The following DNAH12 variants were observed in gnomAD, a reference collection of about 807,000 sequenced individuals.
DNAH12 encodes the protein axonemal beta dynein heavy chain 12.
In DNAH12, 285 loss-of-function variants were observed where a neutral mutation model predicts 371.5. That is an observed-to-expected ratio of 0.77 (90% CI 0.70 to 0.85). DNAH12 has a LOEUF of 0.85. Ranked by LOEUF, DNAH12 falls within the 40% of genes least tolerant of loss-of-function variation. DNAH12 has a pLI of 0.00. For missense variants in DNAH12, 3,611 were observed against 3,689.4 expected, an observed-to-expected ratio of 0.98 and a Z score of 0.55; for synonymous variants, 1,200 against 1,213.0, an observed-to-expected ratio of 0.99 and a Z score of 0.22.
chr3:57,446,420 G>A, intron 26 of DNAH12, 117 bp downstream of exon 26: 1 of 1,425,404 alleles, frequency 7.0e-7, no homozygotes, highest in Admixed American at 2.8e-5. Flanking sequence ...TAAAATGAAA[G>A]TCCAAGTAAT....
chr3:57,464,071 T>G (rs2066131264), intron 17 of DNAH12, among the ~76,000 whole-genome samples: 1 of 152,064 alleles, frequency 6.6e-6, no homozygotes, highest in Non-Finnish European at 1.5e-5. Context: ...ACTCACTGTT[T>G]CTACCCTGAT....
chr3:57,498,765 C>T (rs964197005), intron 11 of DNAH12, among the ~76,000 whole-genome samples: 9 of 151,978 alleles, frequency 5.9e-5, no homozygotes, highest in Non-Finnish European at 1.2e-4. Context: ...TTTGGGAGGC[C>T]GAGGTGGGCG....
At chr3:57,371,969 T>C (rs1374457143) in intron 55 of DNAH12, among the ~76,000 whole-genome samples, 1 of 39,160 alleles carries the variant, frequency 2.6e-5, no homozygotes, top group Non-Finnish European at 6.8e-5. Flanking sequence ...AAAAAAATTC[T>C]TTCAAAATGA....
intron 52 of DNAH12, among the ~76,000 whole-genome samples, chr3:57,378,177 G>A (rs1194797238): frequency 6.6e-6 from 1 of 152,030 alleles, no homozygotes; most frequent in Non-Finnish European, 1.5e-5. Context: ...GCTTGTATCA[G>A]AATAAAAATG....
At chr3:57,497,449 T>C (rs532400023) in intron 11 of DNAH12, among the ~76,000 whole-genome samples, 3 of 152,312 alleles carry the variant, frequency 2.0e-5, no homozygotes, top group East Asian at 1.9e-4. Flanking sequence ...ATAGGGTCAA[T>C]TGATTTTCAA....
intron 64 of DNAH12, among the ~76,000 whole-genome samples, chr3:57,322,802 C>T (rs1048336430): frequency 1.2e-4 from 19 of 152,068 alleles, no homozygotes; most frequent in Admixed American, 7.2e-4. Context: ...TGGTGGTATG[C>T]GCCTGTAATC....
At chr3:57,432,246 T>C (rs1391826022) in intron 32 of DNAH12, among the ~76,000 whole-genome samples, 1 of 147,442 alleles carries the variant, frequency 6.8e-6, no homozygotes, top group Non-Finnish European at 1.5e-5. Flanking sequence ...CTCGGTTAAC[T>C]GCAACCTCTG....
At chr3:57,314,760 A>T (rs2061651335) in intron 65 of DNAH12, 129 bp from the exon 66 acceptor site, 3 of 968,110 alleles carry the variant, frequency 3.1e-6, no homozygotes, top group Non-Finnish European at 4.4e-6. Context: ...CTTCTATTTT[A>T]AAAAAATCCT....
chr3:57,302,565 G>GTTTTTTTTTTTTT (rs1407756841), intron 69 of DNAH12, among the ~76,000 whole-genome samples: 1 of 28,856 alleles, frequency 3.5e-5, no homozygotes, highest in Non-Finnish European at 5.9e-5. Flanking sequence ...ATATATATAT[G>GTTTTTTTTTTTTT]TATTTTTTTT....
chr3:57,350,252 C>A (rs1017597335), intron 60 of DNAH12, among the ~76,000 whole-genome samples: 11 of 152,170 alleles, frequency 7.2e-5, no homozygotes, highest in African/African-American at 2.6e-4. Context: ...TTCATGTAAC[C>A]AAACACCACC....
At chr3:57,551,816 A>C in the DNAH12 span, among the ~76,000 whole-genome samples, 2 of 152,212 alleles carry the variant, frequency 1.3e-5, no homozygotes, top group Non-Finnish European at 2.9e-5. Flanking sequence ...AAAATGAAAA[A>C]AAAACAGAAC....
At chr3:57,445,073 G>A (rs1190037890) in intron 28 of DNAH12, 101 bp downstream of exon 28, 1 of 1,327,898 alleles carries the variant, frequency 7.5e-7, no homozygotes. Context: ...AAAAGACAAA[G>A]CTCAACCCTC....
chr3:57,330,717 T>TA (rs36091572), intron 62 of DNAH12, among the ~76,000 whole-genome samples: 2,898 of 133,828 alleles, frequency 0.022, 34 homozygotes, highest in African/African-American at 0.044. Flanking sequence ...GTATAATAAT[T>TA]AAAAAAAAAA....
intron 15 of DNAH12, 21 bp from the exon 16 acceptor site, chr3:57,470,657 T>G (rs1426793146): frequency 4.0e-6 from 6 of 1,506,246 alleles, no homozygotes. Flanking sequence ...ATAAGTTTTT[T>G]GTCTTAAAAA....
At chr3:57,483,903 A>G (rs1472330389) in intron 12 of DNAH12, among the ~76,000 whole-genome samples, 5 of 128,560 alleles carry the variant, frequency 3.9e-5, no homozygotes, top group Non-Finnish European at 7.9e-5. Flanking sequence ...GTGGGCCATG[A>G]TTGCACCGTT....
intron 60 of DNAH12, among the ~76,000 whole-genome samples, chr3:57,344,700 A>G (rs2062494612): frequency 6.6e-6 from 1 of 152,244 alleles, no homozygotes; most frequent in Non-Finnish European, 1.5e-5. Flanking sequence ...CACAAAGTTA[A>G]ACACCACATG....
intron 20 of DNAH12, 64 bp from the exon 21 acceptor site, chr3:57,458,284 C>A: frequency 6.8e-7 from 1 of 1,474,642 alleles, no homozygotes; most frequent in South Asian, 1.4e-5. Context: ...ACTTAAATAT[C>A]AATCTATACT....
At chr3:57,330,507 G>A (rs962746525) in intron 62 of DNAH12, among the ~76,000 whole-genome samples, 5 of 141,972 alleles carry the variant, frequency 3.5e-5, no homozygotes, top group African/African-American at 1.0e-4. Context: ...GGTGGGAATC[G>A]AACAGTGAGA....
intron 70 of DNAH12, among the ~76,000 whole-genome samples, chr3:57,300,927 G>T (rs1187559874): frequency 6.6e-6 from 1 of 152,020 alleles, no homozygotes; most frequent in African/African-American, 2.4e-5. Context: ...TGGGGGGAGG[G>T]CAGAGGGGGC....
Sources: allele counts gnomAD v4.1 joint callset (sites outside exome capture counted in the v4.1 genomes callset), GRCh38; gene constraint gnomAD v4.1.1; transcripts MANE v1.5; gene names NCBI Gene and HGNC (gene_info 2026-07-23, HGNC 2026-07-21).